PAX3: variants seen among roughly 807,000 people sequenced by gnomAD.
PAX3 encodes the protein paired box protein Pax-3.
PAX3 carries 14 observed loss-of-function variants against 51.6 expected under a neutral mutation model. The ratio of observed to expected loss-of-function variants is 0.27; its 90% CI spans 0.18 to 0.42. The LOEUF is 0.42. Ranked by LOEUF, PAX3 falls within the 10% of genes least tolerant of loss-of-function variation. PAX3 has a pLI of 1.00. For missense variants in PAX3, 540 were observed against 642.8 expected (o/e 0.84, Z 1.73); for synonymous variants, 280 against 253.4 (o/e 1.11, Z -1.00).
Position 222,201,119 on chromosome 2 carries a change from AT to A in PAX3, c.*288del. 6.3e-7 allele frequency: 1 copy of A among 1,580,206 alleles called. No homozygotes were observed. Among genetic ancestry groups the A allele is most frequent in the South Asian group, 1.1e-5 (1 of 89,964 alleles). ...CGATGATCAGCACTAAAGAATTGGGATGTTTTGATATGTAACCATGTGAAAC... is the reference window on the plus strand; with the variant it reads ...CGATGATCAGCACTAAAGAATTGGGAGTTTTGATATGTAACCATGTGAAAC... On this transcript the variant is annotated 3_prime_UTR_variant, in exon 9 of 9. Coordinates refer to ENST00000392070, the MANE Select transcript of PAX3 (RefSeq NM_181458.4).
rs761831113 is a variant in PAX3 at position 222,201,364 on chromosome 2, A to G, written c.*44T>C. ...CAGATTCTTCATATCTAGGCTGCGA[A>G]GACCAGAAACAGGGCCAGTTTTAGC... On this transcript the variant is annotated 3_prime_UTR_variant, in exon 9 of 9. Transcript: ENST00000392070. 6.2e-7 allele frequency: 1 copy of G among 1,613,512 alleles called. No individual in the cohort carries two copies. The highest frequency in any genetic ancestry group is 2.2e-5 in the East Asian group (1 of 44,726).
intron 4 of PAX3, among the ~76,000 whole-genome samples, chr2:222,293,270 C>A (rs1243414189): frequency 6.6e-6 from 1 of 152,244 alleles, no homozygotes; most frequent in African/African-American, 2.4e-5. Context: ...GCCACTGAGA[C>A]ACAATCCTCC....
At chr2:222,282,811 A>G (rs1694692830) in intron 4 of PAX3, among the ~76,000 whole-genome samples, 1 of 152,270 alleles carries the variant, frequency 6.6e-6, no homozygotes, top group African/African-American at 2.4e-5. Context: ...GTATTTAGAG[A>G]CTGTTCCATT....
At chr2:222,244,349 T>A (rs1009771544) in intron 4 of PAX3, among the ~76,000 whole-genome samples, 3 of 152,186 alleles carry the variant, frequency 2.0e-5, no homozygotes, top group African/African-American at 7.2e-5. Context: ...GGCCCCTTCC[T>A]CTCTGATTTG....
intron 4 of PAX3, among the ~76,000 whole-genome samples, chr2:222,238,310 G>A (rs905402029): frequency 2.6e-5 from 4 of 152,090 alleles, no homozygotes; most frequent in Admixed American, 1.3e-4. Flanking sequence ...CTGTAGCCTC[G>A]GGAAATATTT....
intron 7 of PAX3, among the ~76,000 whole-genome samples, chr2:222,211,035 T>C (rs141673971): frequency 2.6e-5 from 4 of 152,118 alleles, no homozygotes; most frequent in African/African-American, 9.6e-5. Flanking sequence ...CCCAGCTAAT[T>C]TTTGTATGTT....
chr2:222,220,960 A>C (rs527471209), intron 6 of PAX3, among the ~76,000 whole-genome samples: 2 of 152,354 alleles, frequency 1.3e-5, no homozygotes, highest in Admixed American at 1.3e-4. Flanking sequence ...AAGAAAAGCA[A>C]ATCCCATGGT....
At chr2:222,257,808 C>T (rs1279756693) in intron 4 of PAX3, among the ~76,000 whole-genome samples, 1 of 152,332 alleles carries the variant, frequency 6.6e-6, no homozygotes, top group South Asian at 2.1e-4. Context: ...GGAAATGGGG[C>T]TGTTTTGTGC....
At chr2:222,207,422 G>T (rs957700498) in intron 7 of PAX3, among the ~76,000 whole-genome samples, 2 of 152,208 alleles carry the variant, frequency 1.3e-5, no homozygotes, top group Non-Finnish European at 2.9e-5. Context: ...CATCCTGAGA[G>T]TTAGGGAAAG....
At chr2:222,265,764 C>T (rs1288979040) in intron 4 of PAX3, among the ~76,000 whole-genome samples, 3 of 152,180 alleles carry the variant, frequency 2.0e-5, no homozygotes, top group African/African-American at 7.2e-5. Context: ...GCAAGTCAGA[C>T]TTTTAACAAT....
At chr2:222,270,464 A>G (rs1694211551) in intron 4 of PAX3, among the ~76,000 whole-genome samples, 1 of 152,230 alleles carries the variant, frequency 6.6e-6, no homozygotes, top group South Asian at 2.1e-4. Flanking sequence ...TTCGTGCAAT[A>G]AAATTGTCGC....
intron 4 of PAX3, among the ~76,000 whole-genome samples, chr2:222,253,852 A>G (rs1693533570): frequency 1.3e-5 from 2 of 151,872 alleles, no homozygotes; most frequent in Admixed American, 6.6e-5. Context: ...TGGGGCTCTC[A>G]CTATGTTGCC....
At chr2:222,228,419 T>A (rs1456517423) in intron 5 of PAX3, among the ~76,000 whole-genome samples, 3 of 152,288 alleles carry the variant, frequency 2.0e-5, no homozygotes, top group Middle Eastern at 3.4e-3. Context: ...ATTATTATTA[T>A]CCTTTGACAT....
At chr2:222,298,320 G>C (rs1274357313) in intron 1 of PAX3, 1 of 591,888 alleles carries the variant, frequency 1.7e-6, no homozygotes, top group Non-Finnish European at 3.0e-6. Flanking sequence ...TGACCGCCCA[G>C]CTCCGCCAGG....
chr2:222,295,680 G>A (rs112545287), intron 2 of PAX3, 23 bp from the exon 3 acceptor site: 40 of 1,613,780 alleles, frequency 2.5e-5, no homozygotes, highest in African/African-American at 5.3e-5. Context: ...AGGCGGGCAG[G>A]CGTTGGTACC....
At chr2:222,228,329 C>T (rs929160186) in intron 5 of PAX3, among the ~76,000 whole-genome samples, 9 of 152,104 alleles carry the variant, frequency 5.9e-5, no homozygotes, top group East Asian at 1.9e-4. Flanking sequence ...GGCCCTGCTT[C>T]GAAGAGGAGG....
chr2:222,267,223 AAG>A (rs1443456192), intron 4 of PAX3, among the ~76,000 whole-genome samples: 3 of 152,202 alleles, frequency 2.0e-5, no homozygotes, highest in African/African-American at 4.8e-5. Context: ...AGTAAGAAAA[AAG>A]AGACTAGAAG....
chr2:222,216,653 A>G (rs1253865138), intron 7 of PAX3, among the ~76,000 whole-genome samples: 1 of 152,166 alleles, frequency 6.6e-6, no homozygotes, highest in Non-Finnish European at 1.5e-5. Flanking sequence ...TGCTCAAGGG[A>G]AAAGATACAT....
At chr2:222,294,509 T>G (rs938932174) in intron 3 of PAX3, among the ~76,000 whole-genome samples, 13 of 151,996 alleles carry the variant, frequency 8.6e-5, no homozygotes, top group Non-Finnish European at 1.8e-4. Flanking sequence ...CTCCCTATTA[T>G]CTGTATCTCG....
Sources: gnomAD v4.1 joint callset for allele counts (sites outside exome capture counted in the v4.1 genomes callset) on GRCh38, gnomAD v4.1.1 for gene constraint, MANE v1.5 for transcripts, NCBI Gene and HGNC (gene_info 2026-07-23, HGNC 2026-07-21) for gene names.